Variants in DNAAF1 observed in about 807,000 individuals in gnomAD.
DNAAF1 encodes dynein axonemal assembly factor 1, also known as dynein assembly factor 1, axonemal.
A neutral mutation model predicts 71.1 loss-of-function variants in DNAAF1; 65 were observed. That is an observed-to-expected ratio of 0.91 (90% CI 0.75 to 1.12). The LOEUF (loss-of-function observed/expected upper bound fraction) is 1.12. Ranked by LOEUF, DNAAF1 falls within the 50% of genes most tolerant of loss-of-function variation. DNAAF1 has a pLI of 0.00. For missense variants in DNAAF1, 1,178 were observed against 899.8 expected (o/e 1.31, Z -3.96); for synonymous variants, 414 against 354.6 (o/e 1.17, Z -1.88).
intron 7 of DNAAF1, among the ~76,000 whole-genome samples, chr16:84,167,966 G>A (rs560891698): frequency 1.3e-4 from 20 of 151,704 alleles, no homozygotes; most frequent in African/African-American, 4.4e-4. Context: ...GCAGCGAGCC[G>A]AGATCGCACC....
chr16:84,163,109 C>T (rs1221116125), intron 6 of DNAAF1, among the ~76,000 whole-genome samples: 1 of 152,172 alleles, frequency 6.6e-6, no homozygotes, highest in African/African-American at 2.4e-5. Flanking sequence ...CATCAACTTT[C>T]AGAAATTAGG....
chr16:84,159,674 G>T lies in DNAAF1; in HGVS notation c.742-1G>T. On this transcript the variant is annotated splice_acceptor_variant, in intron 5 of 11. Coordinates refer to ENST00000378553, the MANE Select transcript of DNAAF1 (RefSeq NM_178452.6). LOFTEE classifies it high-confidence loss of function. ...TTTTGGTTCTGCTTGTCTTCTTGCA[G>T]CGTGTACTGAATTTGATGGGAAACC... 1 of 1,610,536 alleles carries T rather than the reference G, an allele frequency of 6.2e-7. No homozygotes were observed.
chr16:84,177,759 A>G lies in DNAAF1; in HGVS notation c.2096A>G (p.Glu699Gly). The G allele has an allele frequency of 6.2e-7, 1 of 1,614,016 alleles. No individual in the cohort carries two copies. Among genetic ancestry groups the G allele is most frequent in the Non-Finnish European group, 8.5e-7 (1 of 1,179,982 alleles). ...VPTESAATPP[E>G]TCVGVAQPSQ... ...ACTGAGAGCGCCGCCACACCCCCAG[A>G]GACGTGTGTCGGAGTTGCCCAGCCC... The change falls in exon 12 of 12, where the codon GAG (glutamate) becomes GGG (glycine). Residue 699 changes from glutamate (E) to glycine (G), a missense_variant. Transcript: ENST00000378553.
Position 84,154,228 on chromosome 16 carries a change from G to A in DNAAF1, c.353-349G>A, listed in dbSNP as rs141603735. Reference sequence around the variant, plus strand: ...TTCTCACAGTTCTGGAGGCTAGGAAGTCCAAGGTCAAGCTACTGGCAGATT... The same window carrying A: ...TTCTCACAGTTCTGGAGGCTAGGAAATCCAAGGTCAAGCTACTGGCAGATT... On this transcript the variant is annotated intron_variant, in intron 3 of 11. Transcript: ENST00000378553. 7.3e-3 allele frequency among the ~76,000 whole-genome samples: 1,106 copies of A among 152,294 alleles called. 10 individuals are homozygous for A. Among genetic ancestry groups the A allele is most frequent in the African/African-American group, 0.026 (1,060 of 41,546 alleles).
At chr16:84,169,205 C>G (rs1042676290) in intron 7 of DNAAF1, among the ~76,000 whole-genome samples, 1 of 148,096 alleles carries the variant, frequency 6.8e-6, no homozygotes, top group African/African-American at 2.5e-5. Context: ...TCTCTAGTAG[C>G]TGGGATTATA....
intron 5 of DNAAF1, among the ~76,000 whole-genome samples, chr16:84,156,962 C>T (rs759755029): frequency 1.3e-5 from 2 of 150,484 alleles, no homozygotes; most frequent in African/African-American, 2.4e-5. Context: ...AAGCGATCCT[C>T]CCACCTTAGC....
At chr16:84,174,550 G>T (rs2151277738) in intron 9 of DNAAF1, 119 bp from the exon 10 acceptor site, 1 of 1,589,342 alleles carries the variant, frequency 6.3e-7, no homozygotes, top group Non-Finnish European at 8.6e-7. Context: ...AGTCACCTGA[G>T]TGATTTGAGT....
rs2151287689 is a variant in DNAAF1 at position 84,177,739 on chromosome 16, G to A, written c.2076G>A (p.Glu692=). Reference sequence around the variant, plus strand: ...CCCTTCCTTCCACAGTGCCGACTGAGAGCGCCGCCACACCCCCAGAGACGT... The same window carrying A: ...CCCTTCCTTCCACAGTGCCGACTGAAAGCGCCGCCACACCCCCAGAGACGT... The part of the protein sequence containing the change: ...FLAASSPVPT[E]SAATPPETCV... Residue 692 remains glutamate (E), a synonymous_variant, in exon 12 of 12, where the codon GAG becomes GAA. Coordinates refer to ENST00000378553, the MANE Select transcript of DNAAF1 (RefSeq NM_178452.6). 1.2e-6 allele frequency: 2 copies of A among 1,613,876 alleles called. No individual in the cohort carries two copies. Among genetic ancestry groups the A allele is most frequent in the East Asian group, 4.5e-5 (2 of 44,886 alleles).
chr16:84,166,711 TC>T (rs1392795539), intron 7 of DNAAF1, among the ~76,000 whole-genome samples: 2 of 152,132 alleles, frequency 1.3e-5, no homozygotes, highest in Non-Finnish European at 2.9e-5. Flanking sequence ...AACCTGCAGA[TC>T]CATCTGCAGT....
intron 10 of DNAAF1, chr16:84,175,482 G>A (rs1025758212): frequency 8.8e-5 from 18 of 203,838 alleles, no homozygotes; most frequent in Non-Finnish European, 1.3e-4. Context: ...GAGCCCACAC[G>A]TGCCAGACCC....
At chr16:84,158,868 T>C (rs1597435338) in intron 5 of DNAAF1, 1 of 201,342 alleles carries the variant, frequency 5.0e-6, no homozygotes, top group Admixed American at 6.5e-5. Flanking sequence ...ATAGCTGGGA[T>C]TACAGGTGCT....
rs74695550 is a variant in DNAAF1 at position 84,165,614 on chromosome 16, G to T, written c.864-169G>T. Among the ~76,000 whole-genome samples the T allele has an allele frequency of 0.036, 5,510 of 152,128 alleles. 306 individuals are homozygous for T. Among genetic ancestry groups the T allele is most frequent in the African/African-American group, 0.13 (5,246 of 41,454 alleles). On this transcript the variant is annotated intron_variant, in intron 6 of 11. Coordinates refer to ENST00000378553, the MANE Select transcript of DNAAF1 (RefSeq NM_178452.6). ...TTGGTGCCACATCTAAGAAGGCTTT[G>T]CAGACTGTTCCACCTTAAATAATAA...
rs762198889 is a variant in DNAAF1 at position 84,176,042 on chromosome 16, T to C, written c.1808T>C (p.Leu603Pro). Residue 603 changes from leucine (L) to proline (P), a missense_variant, in exon 11 of 12, where the codon CTG (leucine) becomes CCG (proline). Leu to Pro is a moderately conservative substitution (Grantham distance 98). Transcript: ENST00000378553. Reference protein sequence around the residue: ...PVLENLPTDTLSNIFAVSKDT... With the variant: ...PVLENLPTDTPSNIFAVSKDT... ...CTGGAAAACCTCCCCACAGACACTC[T>C]GTCAAATATATTTGCAGTCTCTAAA... 21 of 1,614,190 alleles carry C rather than the reference T, an allele frequency of 1.3e-5. No homozygotes were observed. In the East Asian group the frequency reaches 4.2e-4, roughly 33 times the overall value.
chr16:84,169,273 A>T (rs1311037598), intron 7 of DNAAF1, among the ~76,000 whole-genome samples: 2 of 149,666 alleles, frequency 1.3e-5, no homozygotes, highest in Non-Finnish European at 3.0e-5. Context: ...TTCACTAGAG[A>T]TGAGGTTTCA....
intron 8 of DNAAF1, among the ~76,000 whole-genome samples, chr16:84,171,435 G>A (rs2088338399): frequency 6.6e-6 from 1 of 152,204 alleles, no homozygotes; most frequent in African/African-American, 2.4e-5. Context: ...CGGGGTGACA[G>A]AGTGAGACCC....
intron 11 of DNAAF1, chr16:84,176,502 CCAGGAAGCCACCGAGCCAGCCT>C: frequency 3.8e-6 from 3 of 788,752 alleles, no homozygotes; most frequent in Non-Finnish European, 6.1e-6. Context: ...CCAGCCTGGG[CCAGGAAGCCACCGAGCCAGCCT>C]CCTCTTGGGC....
intron 6 of DNAAF1, among the ~76,000 whole-genome samples, chr16:84,162,442 G>A (rs1031490263): frequency 1.3e-5 from 2 of 151,866 alleles, no homozygotes; most frequent in African/African-American, 4.8e-5. Flanking sequence ...AAAAAACAAA[G>A]TGTACAATGC....
rs572576279 is a variant in DNAAF1, at chr16:84,146,643, G to A, written c.124+1079G>A. 4.6e-5 allele frequency among the ~76,000 whole-genome samples: 7 copies of A among 152,142 alleles called. No individual in the cohort carries two copies. The South Asian group carries it at 6.2e-4, about 14-fold the overall frequency. ...AAGGCAGGAGAATTCCCTGAACCCC[G>A]GAGGCAGAGGTTGCAGTGAGCCAAG... On this transcript the variant is annotated intron_variant, in intron 1 of 11. Transcript: ENST00000378553.
At chr16:84,177,428 A>C (rs2088775432) in intron 11 of DNAAF1, 1 of 375,724 alleles carries the variant, frequency 2.7e-6, no homozygotes, top group African/African-American at 2.1e-5. Context: ...GGCACCCGTC[A>C]AGGGATTTTC....
Sources: gnomAD v4.1 joint callset for allele counts (sites outside exome capture counted in the v4.1 genomes callset) on GRCh38, gnomAD v4.1.1 for gene constraint, MANE v1.5 for transcripts, NCBI Gene and HGNC (gene_info 2026-07-23, HGNC 2026-07-21) for gene names.